Variants in EFTUD2 observed in about 807,000 individuals in gnomAD.
EFTUD2 encodes elongation factor Tu GTP binding domain containing 2, also known as 116 kDa U5 small nuclear ribonucleoprotein component.
EFTUD2 carries 9 observed loss-of-function variants against 114.3 expected under a neutral mutation model. That is an observed-to-expected ratio of 0.08 (90% confidence interval 0.05 to 0.14). EFTUD2 has a LOEUF of 0.14. EFTUD2 is among the 10% of genes least tolerant of loss of function. The pLI, the probability that EFTUD2 is intolerant of heterozygous loss-of-function variation, is 1.00. For missense variants in EFTUD2, 765 were observed against 1,241.2 expected, an observed-to-expected ratio of 0.62 and a Z score of 5.76; for synonymous variants, 449 against 462.3, an observed-to-expected ratio of 0.97 and a Z score of 0.37.
chr17:44,863,637 G>C lies in EFTUD2; in HGVS notation c.1413+18C>G, dbSNP rs1043507151. On this transcript the variant is annotated intron_variant, in intron 15 of 27. Transcript: ENST00000426333. ...GGGGAAAAAAAGACCAGAGAACCGG[G>C]GAGCCACATGCCCTTACATCAGGGT... 6.2e-7 allele frequency: 1 copy of C among 1,607,522 alleles called. No individual in the cohort carries two copies. The highest frequency in any genetic ancestry group is 8.5e-7 in the Non-Finnish European group (1 of 1,176,228).
chr17:44,852,309 C>T (rs566327385), intron 26 of EFTUD2, 100 bp downstream of exon 26: 2 of 1,477,980 alleles, frequency 1.4e-6, no homozygotes, highest in East Asian at 2.3e-5. Flanking sequence ...CTCCAGGATG[C>T]TGTACACCTC....
chr17:44,877,015 G>A (rs1016769398), intron 9 of EFTUD2, among the ~76,000 whole-genome samples: 2 of 151,796 alleles, frequency 1.3e-5, no homozygotes, highest in African/African-American at 2.4e-5. Flanking sequence ...GCAACAGAGC[G>A]AGACCCCATC....
At chr17:44,889,412 G>C (rs757973750) in intron 2 of EFTUD2, among the ~76,000 whole-genome samples, 12 of 152,216 alleles carry the variant, frequency 7.9e-5, no homozygotes, top group Non-Finnish European at 1.6e-4. Context: ...GGTCAAGAGA[G>C]AGTTTTAGGA....
intron 16 of EFTUD2, among the ~76,000 whole-genome samples, chr17:44,861,374 G>A (rs1228796006): frequency 6.6e-6 from 1 of 150,478 alleles, no homozygotes; most frequent in Non-Finnish European, 1.5e-5. Context: ...GAACCCGGGA[G>A]GCAGAGGTTG....
Position 44,894,349 on chromosome 17 carries a change from A to G in EFTUD2, c.105+68T>C, listed in dbSNP as rs1347871199. The G allele has an allele frequency of 3.7e-6, 5 of 1,349,708 alleles. No individual in the cohort carries two copies. In the African/African-American group the frequency reaches 4.3e-5, roughly 12 times the overall value. 83.6% of individuals were successfully genotyped at this position (1,349,708 alleles called of 1,614,324 possible). ...TGCGCCACTGCACTCCAACCTGGCA[A>G]GAGAGTGAGATCTTGTCTTAAATAA... On this transcript the variant is annotated intron_variant, in intron 2 of 27. Coordinates refer to ENST00000426333, the MANE Select transcript of EFTUD2 (RefSeq NM_004247.4).
chr17:44,853,698 G>A, intron 23 of EFTUD2, 63 bp from the exon 24 acceptor site: 2 of 1,595,308 alleles, frequency 1.3e-6, no homozygotes, highest in South Asian at 1.1e-5. Context: ...GGCCATGGCA[G>A]AGTAGCAGTC....
intron 26 of EFTUD2, among the ~76,000 whole-genome samples, 187 bp downstream of exon 26, chr17:44,852,222 A>C (rs529264031): frequency 1.3e-5 from 2 of 150,674 alleles, no homozygotes; most frequent in East Asian, 3.9e-4. Context: ...CGGCCCTATT[A>C]TTTCTTTTTT....
chr17:44,868,032 A>G (rs1342248876), intron 12 of EFTUD2, 135 bp from the exon 13 acceptor site: 4 of 963,346 alleles, frequency 4.2e-6, no homozygotes, highest in Non-Finnish European at 6.1e-6. Flanking sequence ...GTTTCCAGAG[A>G]CAGATTCCTG....
chr17:44,880,481 G>T, intron 8 of EFTUD2, 73 bp downstream of exon 8: 2 of 1,163,760 alleles, frequency 1.7e-6, no homozygotes, highest in Non-Finnish European at 2.6e-6. Flanking sequence ...GCTCCGTTCT[G>T]CTCCGAAAAG....
Position 44,879,645 on chromosome 17 carries a change from A to G in EFTUD2, c.620-7T>C. 6.2e-7 allele frequency: 1 copy of G among 1,613,602 alleles called. No individual in the cohort carries two copies. The highest frequency in any genetic ancestry group is 8.5e-7 in the Non-Finnish European group (1 of 1,179,842). On this transcript the variant is annotated splice_region_variant and splice_polypyrimidine_tract_variant and intron_variant, in intron 8 of 27. Coordinates refer to ENST00000426333, the MANE Select transcript of EFTUD2 (RefSeq NM_004247.4). ...TCAGAGAAATTCACATGTCCTGAAA[A>G]GCAAATACTAAGTAAGTCATCACTT...
intron 2 of EFTUD2, among the ~76,000 whole-genome samples, chr17:44,891,672 A>T (rs952443232): frequency 2.0e-5 from 3 of 152,098 alleles, no homozygotes; most frequent in South Asian, 2.1e-4. Context: ...TATTTTAAAA[A>T]TTTTTTTGTT....
intron 2 of EFTUD2, 137 bp from the exon 3 acceptor site, chr17:44,886,887 G>A: frequency 7.1e-7 from 1 of 1,404,762 alleles, no homozygotes; most frequent in Non-Finnish European, 9.5e-7. Context: ...AGTGGGGGAG[G>A]TTCCACTCCT....
rs2050511606 is a variant in EFTUD2, at chr17:44,854,498, GT to G, written c.2259+57del. 56 of 1,589,104 alleles carry G rather than the reference GT, an allele frequency of 3.5e-5. No homozygotes were observed. The South Asian group carries it at 6.2e-4, about 18-fold the overall frequency. On this transcript the variant is annotated intron_variant, in intron 22 of 27. Coordinates refer to ENST00000426333, the MANE Select transcript of EFTUD2 (RefSeq NM_004247.4). This position sits in a 1 kb window ranked among gnomAD's most constrained non-coding sequence, Gnocchi z 4.3. ...ACTTTTGGGAAAAGAACACTTTGTA[GT>G]TTCTTCCACTCCAGAGGTAAGAGAC...
In EFTUD2 at chr17:44,854,246, T is replaced by C. The variant is rs756090813; in HGVS notation, c.2347+23A>G. ...CTGCAAGGACCCTCGAGGACTGGGG[T>C]GGGGGAGTGCTGGTGGACTTACATT... On this transcript the variant is annotated intron_variant, in intron 23 of 27. Coordinates refer to ENST00000426333, the MANE Select transcript of EFTUD2 (RefSeq NM_004247.4). The surrounding 1 kb of genome is among the most constrained non-coding windows in gnomAD (Gnocchi z 4.3). 2.5e-6 allele frequency: 4 copies of C among 1,602,186 alleles called. No homozygotes were observed. The South Asian group carries it at 3.4e-5, about 13-fold the overall frequency.
At chr17:44,886,467 C>A in intron 3 of EFTUD2, 118 bp downstream of exon 3, 1 of 1,501,072 alleles carries the variant, frequency 6.7e-7, no homozygotes, top group Non-Finnish European at 8.9e-7. Context: ...GAAACAGTAC[C>A]TGAAGGTAGT....
At chr17:44,892,474 C>A (rs1597829608) in intron 2 of EFTUD2, 1 of 152,192 alleles carries the variant, frequency 6.6e-6, no homozygotes, top group East Asian at 1.9e-4. Context: ...ATGATGCAGC[C>A]CATGTTCTTT....
Position 44,852,492 on chromosome 17 carries a change from T to C in EFTUD2, c.2632A>G (p.Ile878Val), listed in dbSNP as rs773231071. Residue 878 changes from isoleucine to valine, a missense_variant, in exon 26 of 28, where the codon ATC (isoleucine) becomes GTC (valine). Physicochemically the swap from Ile to Val is conservative, Grantham distance 29. Transcript: ENST00000426333. ...TCAGTCTCAAAGCCAAAAGAGTCGA[T>C]GGCCGGGATAAAAGCTTTGATGGTG... Reference protein sequence around the residue: ...LYTIKAFIPAIDSFGFETDLR... With the variant: ...LYTIKAFIPAVDSFGFETDLR... The C allele has an allele frequency of 3.7e-6, 6 of 1,613,962 alleles. No homozygotes were observed. The highest frequency in any genetic ancestry group is 2.7e-5 in the African/African-American group (2 of 74,874).
chr17:44,851,927 A>AT, intron 26 of EFTUD2, 110 bp from the exon 27 acceptor site: 5 of 1,006,446 alleles, frequency 5.0e-6, no homozygotes, highest in Non-Finnish European at 4.2e-6. Context: ...ACTTATTATT[A>AT]TTTTTTTGAG....
At chr17:44,881,747 C>A (rs1392329109) in intron 6 of EFTUD2, 25 bp from the exon 7 acceptor site, 1 of 1,613,348 alleles carries the variant, frequency 6.2e-7, no homozygotes, top group Admixed American at 1.7e-5. Context: ...ACTGTTGTTA[C>A]CACCTGAGTT....
Sources: allele counts gnomAD v4.1 joint callset (sites outside exome capture counted in the v4.1 genomes callset), GRCh38; gene constraint gnomAD v4.1.1; non-coding constraint Gnocchi (gnomAD v3.1); transcripts MANE v1.5; gene names NCBI Gene and HGNC (gene_info 2026-07-23, HGNC 2026-07-21).